Variants in PLEKHA6 observed in about 807,000 individuals in gnomAD.
PLEKHA6 encodes pleckstrin homology domain containing A6.
In PLEKHA6, 60 loss-of-function variants were observed where a neutral mutation model predicts 116.7. The observed-to-expected ratio is 0.51, with a 90% CI of 0.42 to 0.64. The LOEUF is 0.64. PLEKHA6 is among the 30% of genes least tolerant of loss of function. PLEKHA6 has a pLI of 0.00. For missense variants in PLEKHA6, 1,338 were observed against 1,422.7 expected (o/e 0.94, Z 0.96); for synonymous variants, 489 against 556.1 (o/e 0.88, Z 1.70).
chr1:204,369,081 TGTTTCAGCAAAACAGGGCAGCCA>T (rs1673723296), intron 2 of PLEKHA6: 1 of 152,226 alleles, frequency 6.6e-6, no homozygotes, highest in South Asian at 2.1e-4. Flanking sequence ...GTGATGCTGC[TGTTTCAGCAAAACAGGGCAGCCA>T]GCAAGCCCAG....
intron 13 of PLEKHA6, 121 bp from the exon 14 acceptor site, chr1:204,245,847 T>TAA (rs1663583982): frequency 2.0e-6 from 1 of 495,746 alleles, no homozygotes; most frequent in African/African-American, 2.0e-5. Flanking sequence ...GCACCCTGTG[T>TAA]ACACACACAC....
chr1:204,336,591 C>T (rs551760362), intron 1 of PLEKHA6, among the ~76,000 whole-genome samples: 33 of 151,982 alleles, frequency 2.2e-4, no homozygotes, highest in African/African-American at 6.8e-4. Context: ...TGTGTGTGCA[C>T]GCACATACAT....
At chr1:204,260,686 T>A (rs550316361) in intron 7 of PLEKHA6, among the ~76,000 whole-genome samples, 2 of 152,296 alleles carry the variant, frequency 1.3e-5, no homozygotes, top group Admixed American at 1.3e-4. Flanking sequence ...CCCCTTTTCC[T>A]GGATCCCCCT....
At chr1:204,274,195 A>G (rs749866002) in intron 2 of PLEKHA6, among the ~76,000 whole-genome samples, 3 of 152,054 alleles carry the variant, frequency 2.0e-5, no homozygotes, top group African/African-American at 4.8e-5. Flanking sequence ...GCTTCCCAAA[A>G]TGCTGAGATT....
At chr1:204,269,380 C>T (rs1427610269) in intron 3 of PLEKHA6, among the ~76,000 whole-genome samples, 5 of 73,982 alleles carry the variant, frequency 6.8e-5, no homozygotes, top group Non-Finnish European at 1.2e-4. Context: ...CTCAATACGG[C>T]ACTCCAAATT....
rs1662853411 is a variant in PLEKHA6, at chr1:204,241,775, G to T, written c.2212C>A (p.Gln738Lys). The T allele has an allele frequency of 6.2e-7, 1 of 1,614,002 alleles. No individual in the cohort carries two copies. Among genetic ancestry groups the T allele is most frequent in the African/African-American group, 1.3e-5 (1 of 74,924 alleles). The change falls in exon 16 of 23, where the codon CAG (glutamine) becomes AAG (lysine). Residue 738 changes from glutamine (Q) to lysine (K), a missense_variant. Physicochemically the swap from Gln to Lys is moderately conservative, Grantham distance 53. Around this residue, in one of 3 missense-constraint regions of PLEKHA6, gnomAD observed 1,136 missense variants for 1,163.6 expected, o/e 0.98. Coordinates refer to ENST00000272203, the MANE Select transcript of PLEKHA6 (RefSeq NM_014935.5). ...CTGGGGGTGTCCAGGGGCAATGTCTGGTGGGGGTCTTTCTTGCTTTGTTCA... is the reference window on the plus strand; with the variant it reads ...CTGGGGGTGTCCAGGGGCAATGTCTTGTGGGGGTCTTTCTTGCTTTGTTCA... ...NYEQSKKDPH[Q>K]TLPLDTPRDI...
chr1:204,315,717 C>A (rs1231997262), intron 1 of PLEKHA6, among the ~76,000 whole-genome samples: 4 of 152,222 alleles, frequency 2.6e-5, no homozygotes, highest in Admixed American at 2.6e-4. Flanking sequence ...AAACCCTAAT[C>A]TAGAGAGTGG....
rs796991294 is a variant in PLEKHA6, at chr1:204,297,235, C to T, written c.-94-22426G>A. Reference sequence around the variant, plus strand: ...ACATTTAACTCCTAAACACTACCTTCTGGTAGGAAAATACATGGATACATG... The same window carrying T: ...ACATTTAACTCCTAAACACTACCTTTTGGTAGGAAAATACATGGATACATG... On this transcript the variant is annotated intron_variant, in intron 1 of 22. Coordinates refer to ENST00000272203, the MANE Select transcript of PLEKHA6 (RefSeq NM_014935.5). 16 of 976,280 alleles carry T rather than the reference C, an allele frequency of 1.6e-5. No individual in the cohort carries two copies. In the South Asian group the frequency reaches 6.6e-4, roughly 41 times the overall value. 60.5% of individuals were successfully genotyped at this position (976,280 alleles called of 1,614,324 possible).
chr1:204,255,310 C>T (rs941996967), intron 9 of PLEKHA6, among the ~76,000 whole-genome samples: 13 of 152,118 alleles, frequency 8.5e-5, no homozygotes, highest in Admixed American at 8.5e-4. Context: ...TCCCTCCTCT[C>T]GCCAGAAAAA....
At chr1:204,315,074 TC>T (rs1345858791) in intron 1 of PLEKHA6, among the ~76,000 whole-genome samples, 1 of 152,182 alleles carries the variant, frequency 6.6e-6, no homozygotes, top group Non-Finnish European at 1.5e-5. Context: ...GTTTTCCAGT[TC>T]CTGTGAGACA....
At chr1:204,251,878 C>G (rs1048677345) in intron 9 of PLEKHA6, among the ~76,000 whole-genome samples, 9 of 152,132 alleles carry the variant, frequency 5.9e-5, no homozygotes, top group African/African-American at 2.2e-4. Context: ...TGACTCTTCC[C>G]CAGGGTGCCT....
intron 21 of PLEKHA6, among the ~76,000 whole-genome samples, chr1:204,224,277 T>C (rs1306474110): frequency 1.3e-5 from 2 of 151,874 alleles, no homozygotes; most frequent in Non-Finnish European, 2.9e-5. Context: ...ATGTTAAGAA[T>C]AGCAAAGTGG....
intron 17 of PLEKHA6, among the ~76,000 whole-genome samples, chr1:204,230,963 C>T (rs1172387938): frequency 6.6e-6 from 1 of 152,170 alleles, no homozygotes; most frequent in Non-Finnish European, 1.5e-5. Flanking sequence ...ACAAGAGATT[C>T]TCCCTCAGGG....
At chr1:204,272,243 T>C (rs1365623826) in intron 3 of PLEKHA6, among the ~76,000 whole-genome samples, 1 of 152,152 alleles carries the variant, frequency 6.6e-6, no homozygotes, top group Admixed American at 6.5e-5. Context: ...ACGCCTTTTT[T>C]AATGCAGTTT....
chr1:204,247,489 A>G lies in PLEKHA6; in HGVS notation c.1825-29T>C, dbSNP rs754247636. 6.2e-6 allele frequency: 9 copies of G among 1,453,746 alleles called. No individual in the cohort carries two copies. In the Admixed American group the frequency reaches 1.2e-4, roughly 19 times the overall value. 90.1% of individuals were successfully genotyped at this position (1,453,746 alleles called of 1,614,324 possible). On this transcript the variant is annotated intron_variant, in intron 12 of 22. Coordinates refer to ENST00000272203, the MANE Select transcript of PLEKHA6 (RefSeq NM_014935.5). ...CGGGGGAAAGAGGCGTTCACTGAGA[A>G]AGCCGCCATCACCAAGGCATTCCTC...
intron 3 of PLEKHA6, among the ~76,000 whole-genome samples, chr1:204,366,686 C>G (rs116111654): frequency 4.6e-5 from 7 of 152,156 alleles, no homozygotes; most frequent in South Asian, 2.1e-4. Context: ...TCTTGAACCC[C>G]GGAGATGGAA....
Position 204,228,974 on chromosome 1 carries a change from AGCTCC to A in PLEKHA6, c.2709_2713del (p.Met903IlefsTer7). ...GTCCACGTCATAATGCTGGGGCTCT[AGCTCC>A]ATTTTGCGAAGCCGGGCAATTTCCT... On this transcript the variant is annotated frameshift_variant, in exon 19 of 23. Transcript: ENST00000272203. LOFTEE classifies it high-confidence loss of function. The surrounding 1 kb of genome is among the most constrained non-coding windows in gnomAD (Gnocchi z 4.0). 6.2e-7 allele frequency: 1 copy of A among 1,613,992 alleles called. No individual in the cohort carries two copies. The highest frequency in any genetic ancestry group is 8.5e-7 in the Non-Finnish European group (1 of 1,179,980).
chr1:204,251,777 C>G (rs1004021172), intron 9 of PLEKHA6, among the ~76,000 whole-genome samples: 2 of 152,240 alleles, frequency 1.3e-5, no homozygotes, highest in African/African-American at 4.8e-5. Flanking sequence ...GTTTCAGGAC[C>G]AGCACTGAAG....
chr1:204,226,925 C>T (rs577532703), intron 21 of PLEKHA6, among the ~76,000 whole-genome samples: 8 of 152,318 alleles, frequency 5.3e-5, no homozygotes, highest in East Asian at 3.9e-4. Flanking sequence ...CTACGGCACG[C>T]GAGCATGTAT....
Sources: gnomAD v4.1 joint callset for allele counts (sites outside exome capture counted in the v4.1 genomes callset) on GRCh38, gnomAD v4.1.1 for gene constraint, gnomAD v4.1.1 regional missense constraint, Gnocchi (gnomAD v3.1) non-coding constraint, MANE v1.5 for transcripts, NCBI Gene and HGNC (gene_info 2026-07-23, HGNC 2026-07-21) for gene names.